MAST2: variants seen among roughly 807,000 people sequenced by gnomAD.
The protein encoded by MAST2 is microtubule-associated serine/threonine-protein kinase 2.
A neutral mutation model predicts 147.4 loss-of-function variants in MAST2; 70 were observed. That is an observed-to-expected ratio of 0.47 (90% CI 0.39 to 0.58). MAST2 has a LOEUF of 0.58. MAST2 is among the 20% of genes least tolerant of loss of function. MAST2 has a pLI of 0.00. For missense variants in MAST2, 2,080 were observed against 2,302.3 expected, an observed-to-expected ratio of 0.90 and a Z score of 1.98; for synonymous variants, 869 against 896.8, an observed-to-expected ratio of 0.97 and a Z score of 0.55.
chr1:45,872,019 G>A (rs1226830590), intron 3 of MAST2, among the ~76,000 whole-genome samples: 2 of 151,984 alleles, frequency 1.3e-5, no homozygotes, highest in South Asian at 2.1e-4. Context: ...GTGAGCCACA[G>A]CACCTTGCCT....
At chr1:46,033,960 G>A (rs1393751020) in intron 27 of MAST2, 22 bp downstream of exon 27, 10 of 1,613,446 alleles carry the variant, frequency 6.2e-6, no homozygotes, top group African/African-American at 1.3e-5. Flanking sequence ...GCAGTGAAGA[G>A]GGTTTTCTCT....
intron 3 of MAST2, among the ~76,000 whole-genome samples, chr1:45,876,440 T>C (rs1039134385): frequency 6.6e-6 from 1 of 152,188 alleles, no homozygotes; most frequent in Non-Finnish European, 1.5e-5. Context: ...ATTAAGAACA[T>C]GAAGAGTCAA....
chr1:46,027,490 A>C (rs902473276), intron 16 of MAST2, among the ~76,000 whole-genome samples: 3 of 152,194 alleles, frequency 2.0e-5, no homozygotes, highest in Non-Finnish European at 4.4e-5. Flanking sequence ...TAGGGCAATA[A>C]GCAGAAATGG....
At chr1:45,918,454 T>C (rs1269274832) in intron 4 of MAST2, among the ~76,000 whole-genome samples, 1 of 152,180 alleles carries the variant, frequency 6.6e-6, no homozygotes, top group African/African-American at 2.4e-5. Context: ...TTGAGGCTTT[T>C]TGAGATAGAG....
Position 46,010,877 on chromosome 1 carries a change from G to A in MAST2, c.1126G>A (p.Gly376Ser), listed in dbSNP as rs1198159386. The A allele has an allele frequency of 6.2e-7, 1 of 1,614,170 alleles. No individual in the cohort carries two copies. Among genetic ancestry groups the A allele is most frequent in the Non-Finnish European group, 8.5e-7 (1 of 1,180,030 alleles). ...ARDCLDKSRS[G>S]LITSQYFYEL... ...AGACTGCCTGGATAAATCTCGGAGT[G>A]GCCTCATTACATCACAATACTTCTA... is the stretch of plus-strand genomic sequence containing the variant. Residue 376 changes from glycine (G) to serine (S), a missense_variant, in exon 10 of 29, where the codon GGC (glycine) becomes AGC (serine). Gly to Ser is a moderately conservative substitution (Grantham distance 56, BLOSUM62 0). Coordinates refer to ENST00000361297, the MANE Select transcript of MAST2 (RefSeq NM_015112.3).
intron 8 of MAST2, 90 bp from the exon 9 acceptor site, chr1:46,008,206 G>A: frequency 1.3e-6 from 1 of 793,284 alleles, no homozygotes; most frequent in Non-Finnish European, 2.2e-6. Flanking sequence ...GCTGAAGATG[G>A]TGGGAGGGGC....
chr1:45,831,780 G>T lies in MAST2; in HGVS notation c.468+2199G>T, dbSNP rs4660890. Among the ~76,000 whole-genome samples the T allele has an allele frequency of 2.0e-4, 11 of 55,746 alleles. 1 individual carries two copies. Among genetic ancestry groups the T allele is most frequent in the Admixed American group, 2.1e-4 (1 of 4,804 alleles). 36.6% of individuals were successfully genotyped at this position (55,746 alleles called of 152,430 possible). On this transcript the variant is annotated intron_variant, in intron 3 of 28. Coordinates refer to ENST00000361297, the MANE Select transcript of MAST2 (RefSeq NM_015112.3). ...ATGACCAGATCTAAGAAGTTTAATA[G>T]TTTTTTTTTTTTTTTTTGAGCCTGA...
At chr1:45,822,233 A>G (rs1396850581) in intron 1 of MAST2, among the ~76,000 whole-genome samples, 7 of 152,136 alleles carry the variant, frequency 4.6e-5, no homozygotes, top group East Asian at 1.9e-4. Flanking sequence ...GGTCTGTTCA[A>G]TTTGTGAAAA....
chr1:45,937,390 C>T (rs1400147338), intron 4 of MAST2, among the ~76,000 whole-genome samples: 1 of 151,722 alleles, frequency 6.6e-6, no homozygotes. Context: ...CTCAGCTTCC[C>T]AAGTAGCAAG....
chr1:45,846,701 T>G (rs1446112318), intron 3 of MAST2, among the ~76,000 whole-genome samples: 1 of 151,972 alleles, frequency 6.6e-6, no homozygotes, highest in Non-Finnish European at 1.5e-5. Context: ...GGCGGGTACC[T>G]GTAATCCTAG....
chr1:45,849,909 CAT>C (rs1645570453), intron 3 of MAST2, among the ~76,000 whole-genome samples: 2 of 152,164 alleles, frequency 1.3e-5, no homozygotes, highest in African/African-American at 4.8e-5. Context: ...CTGTGATTAA[CAT>C]GTGAGTACAT....
chr1:45,844,714 A>C (rs1452217869), intron 3 of MAST2, among the ~76,000 whole-genome samples: 1 of 152,200 alleles, frequency 6.6e-6, no homozygotes, highest in Non-Finnish European at 1.5e-5. Flanking sequence ...GAGCCACTGC[A>C]CCTGCCAAGC....
chr1:46,001,899 A>G (rs1444059067), intron 6 of MAST2, among the ~76,000 whole-genome samples: 1 of 152,178 alleles, frequency 6.6e-6, no homozygotes, highest in Non-Finnish European at 1.5e-5. Context: ...AAGATCCTCC[A>G]TTGCTGATAG....
In MAST2 at chr1:46,035,472, C is replaced by T. The variant is rs952680033; in HGVS notation, c.4803C>T (p.Asn1601=). 3.1e-6 allele frequency: 5 copies of T among 1,613,196 alleles called. No individual in the cohort carries two copies. The highest frequency in any genetic ancestry group is 1.3e-5 in the African/African-American group (1 of 74,852). ...EAASSSSAGP[N]LGQSGATDPI... is the part of the protein sequence containing the mutation. ...CCAGCTCCTCCTCAGCAGGCCCCAA[C>T]CTAGGTCAGTCTGGAGCCACAGACC... Residue 1601 remains asparagine (N), a synonymous_variant, in exon 29 of 29, where the codon AAC becomes AAT. Coordinates refer to ENST00000361297, the MANE Select transcript of MAST2 (RefSeq NM_015112.3). This position sits in a 1 kb window ranked among gnomAD's most constrained non-coding sequence, Gnocchi z 5.5.
At chr1:45,905,886 A>G (rs1250438550) in intron 4 of MAST2, among the ~76,000 whole-genome samples, 2 of 152,176 alleles carry the variant, frequency 1.3e-5, no homozygotes, top group African/African-American at 4.8e-5. Flanking sequence ...ATAATTTTCC[A>G]AAATGTTTAT....
At chr1:45,874,205 A>G (rs1646508847) in intron 3 of MAST2, among the ~76,000 whole-genome samples, 1 of 152,210 alleles carries the variant, frequency 6.6e-6, no homozygotes, top group Admixed American at 6.5e-5. Context: ...CCCAGGTCAC[A>G]CAGTTACATG....
At chr1:45,860,516 G>A (rs772092990) in intron 3 of MAST2, among the ~76,000 whole-genome samples, 1 of 151,978 alleles carries the variant, frequency 6.6e-6, no homozygotes, top group East Asian at 1.9e-4. Context: ...TTTCATGTTA[G>A]ATTCTATAAT....
intron 10 of MAST2, among the ~76,000 whole-genome samples, chr1:46,016,374 A>G (rs977298885): frequency 6.6e-6 from 1 of 152,052 alleles, no homozygotes; most frequent in African/African-American, 2.4e-5. Context: ...TCAATTAGGA[A>G]AAGAGGAAGT....
In MAST2 at chr1:45,959,492, G is replaced by T; in HGVS notation, c.592+15G>T. On this transcript the variant is annotated intron_variant, in intron 5 of 28. Coordinates refer to ENST00000361297, the MANE Select transcript of MAST2 (RefSeq NM_015112.3). Reference sequence around the variant, plus strand: ...TGGCCACACAGGTGAGTGCTTGAAGGTTAAGAAAGGTTGAATGAAAGAGTG... The same window carrying T: ...TGGCCACACAGGTGAGTGCTTGAAGTTTAAGAAAGGTTGAATGAAAGAGTG... 1.2e-6 allele frequency: 2 copies of T among 1,607,964 alleles called. No individual in the cohort carries two copies. The highest frequency in any genetic ancestry group is 2.2e-5 in the South Asian group (2 of 90,362).
Sources: allele counts gnomAD v4.1 joint callset (sites outside exome capture counted in the v4.1 genomes callset), GRCh38; gene constraint gnomAD v4.1.1; non-coding constraint Gnocchi (gnomAD v3.1); transcripts MANE v1.5; gene names NCBI Gene and HGNC (gene_info 2026-07-23, HGNC 2026-07-21).